Variants in PTER observed in about 807,000 individuals in gnomAD.
PTER encodes the protein N-acetyltaurine hydrolase.
Under a neutral mutation model 29.6 loss-of-function variants are expected in PTER, and 38 were observed. The ratio of observed to expected loss-of-function variants is 1.28; its 90% CI spans 0.99 to 1.68. The LOEUF (loss-of-function observed/expected upper bound fraction) is 1.68, where lower values mean the gene tolerates loss of function less well. Among genes scored for constraint, PTER ranks in the 40% most tolerant of loss-of-function variants. The probability of loss-of-function intolerance (pLI) is 0.00; values close to 1 mark genes in which losing one functional copy is unlikely to be tolerated. For missense variants in PTER, 482 were observed against 427.8 expected (o/e 1.13, Z -1.12); for synonymous variants, 172 against 154.5 (o/e 1.11, Z -0.84).
chr10:16,486,622 G>A lies in PTER; in HGVS notation c.698+5G>A, dbSNP rs1432496900. On this transcript the variant is annotated splice_donor_5th_base_variant and intron_variant, in intron 3 of 4. Transcript: ENST00000535784. ...AGTCATGTCACACCTGGATAGGTAAGTAGGCTGTCTTACAAATGGATGCAA... is the reference window on the plus strand; with the variant it reads ...AGTCATGTCACACCTGGATAGGTAAATAGGCTGTCTTACAAATGGATGCAA... 4.4e-6 allele frequency: 7 copies of A among 1,601,420 alleles called. No homozygotes were observed. In the African/African-American group the frequency reaches 9.4e-5, roughly 22 times the overall value.
In PTER at chr10:16,484,375, A is replaced by G. The variant is rs773639033; in HGVS notation, c.-10A>G. On this transcript the variant is annotated 5_prime_UTR_variant, in exon 2 of 5. Coordinates refer to ENST00000535784, the MANE Select transcript of PTER (RefSeq NM_001261836.2). ...TCTTTTTAGAACATCTCTTGGTGGT[A>G]CCATCAGAAATGTCTTCCTTAAGTG... 3 of 1,563,700 alleles carry G rather than the reference A, an allele frequency of 1.9e-6. No homozygotes were observed. The highest frequency in any genetic ancestry group is 1.2e-5 in the South Asian group (1 of 83,506).
At chr10:16,450,022 G>A (rs1373057394) in intron 1 of PTER, among the ~76,000 whole-genome samples, 2 of 152,178 alleles carry the variant, frequency 1.3e-5, no homozygotes, top group African/African-American at 4.8e-5. Context: ...AAATCAGTAA[G>A]TTCAGGCTGA....
At chr10:16,439,931 G>A (rs55935376) in intron 1 of PTER, among the ~76,000 whole-genome samples, 3,279 of 152,198 alleles carry the variant, frequency 0.022, 113 homozygotes, top group African/African-American at 0.074. Context: ...GATCAAGCTC[G>A]AGTCTGCTCA....
At chr10:16,486,794 A>T in intron 3 of PTER, 177 bp downstream of exon 3, 1 of 692,378 alleles carries the variant, frequency 1.4e-6, no homozygotes, top group Non-Finnish European at 2.3e-6. Flanking sequence ...CAATGCTGCC[A>T]TTTTTGTGTC....
chr10:16,443,370 G>A (rs759017091), intron 1 of PTER, among the ~76,000 whole-genome samples: 1 of 152,212 alleles, frequency 6.6e-6, no homozygotes, highest in Non-Finnish European at 1.5e-5. Context: ...ATCCTAAGGT[G>A]CTGAGGGTTC....
intron 3 of PTER, among the ~76,000 whole-genome samples, chr10:16,497,570 G>T (rs951009331): frequency 1.3e-5 from 2 of 152,140 alleles, no homozygotes; most frequent in African/African-American, 4.8e-5. Flanking sequence ...TGTGTGAAAT[G>T]AAATAATATA....
intron 3 of PTER, among the ~76,000 whole-genome samples, chr10:16,501,830 T>C (rs1316954696): frequency 1.3e-5 from 2 of 152,334 alleles, no homozygotes; most frequent in South Asian, 2.1e-4. Context: ...TGAGTGACTA[T>C]CTAATCAAGT....
intron 3 of PTER, among the ~76,000 whole-genome samples, chr10:16,503,529 C>T (rs1172905265): frequency 2.0e-5 from 3 of 152,116 alleles, no homozygotes; most frequent in East Asian, 1.9e-4. Context: ...CTCAGCCTCC[C>T]AAGTAGCTGG....
chr10:16,505,438 C>G (rs1836525238), intron 4 of PTER, among the ~76,000 whole-genome samples: 1 of 152,130 alleles, frequency 6.6e-6, no homozygotes, highest in African/African-American at 2.4e-5. Flanking sequence ...CAACCCCTGC[C>G]ATGAAAATCA....
chr10:16,448,543 G>A (rs4529804), intron 1 of PTER, among the ~76,000 whole-genome samples: 88,129 of 151,968 alleles, frequency 0.58, 26,960 homozygotes, highest in African/African-American at 0.78. Context: ...GCCCCACACC[G>A]CTGGACCCCT....
At chr10:16,516,035 G>C (rs1013982697), downstream of PTER, among the ~76,000 whole-genome samples, 5 of 152,096 alleles carry the variant, frequency 3.3e-5, no homozygotes, top group African/African-American at 1.2e-4. Context: ...TCACGTTAAT[G>C]CTGAAATGTT....
chr10:16,473,259 G>A (rs992592031), intron 1 of PTER, among the ~76,000 whole-genome samples: 5 of 151,842 alleles, frequency 3.3e-5, no homozygotes, highest in East Asian at 1.9e-4. Context: ...CTAACCTGAC[G>A]AAGCCCCTGA....
chr10:16,491,219 A>C (rs1404782490), intron 3 of PTER, among the ~76,000 whole-genome samples: 1 of 152,214 alleles, frequency 6.6e-6, no homozygotes, highest in East Asian at 1.9e-4. Context: ...CCAGTGCATG[A>C]AAAAGACATA....
chr10:16,480,044 G>A (rs1388310066), intron 1 of PTER, among the ~76,000 whole-genome samples: 4 of 134,554 alleles, frequency 3.0e-5, no homozygotes, highest in African/African-American at 8.0e-5. Context: ...GGCAAAGACC[G>A]TGATTACATT....
chr10:16,473,542 A>AC (rs1303524645), intron 1 of PTER, among the ~76,000 whole-genome samples: 1 of 150,670 alleles, frequency 6.6e-6, no homozygotes, highest in African/African-American at 2.4e-5. Context: ...AAAAAAAAAA[A>AC]AAAAACAGTT....
At chr10:16,456,884 G>C (rs1441056504) in intron 1 of PTER, among the ~76,000 whole-genome samples, 1 of 149,694 alleles carries the variant, frequency 6.7e-6, no homozygotes, top group Non-Finnish European at 1.5e-5. Context: ...CCGCCATGCT[G>C]TTCTCGTGGT....
Position 16,454,716 on chromosome 10 carries a change from C to T in PTER, c.-49+17669C>T, listed in dbSNP as rs192344602. Among the ~76,000 whole-genome samples, 45 of 151,932 alleles carry T rather than the reference C, an allele frequency of 3.0e-4. 1 individual carries two copies. Among genetic ancestry groups the T allele is most frequent in the African/African-American group, 1.1e-3 (44 of 41,420 alleles). The stretch of plus-strand genomic sequence containing the variant: ...TATAATATAATTTCCATTTTTATGG[C>T]AAGTAAGTATATGTACATTTAAACA... On this transcript the variant is annotated intron_variant, in intron 1 of 4. Transcript: ENST00000535784.
chr10:16,453,219 T>C (rs548435245), intron 1 of PTER, among the ~76,000 whole-genome samples: 1 of 152,194 alleles, frequency 6.6e-6, no homozygotes, highest in African/African-American at 2.4e-5. Context: ...CCTGGCCAGG[T>C]TATTGATTTT....
intron 3 of PTER, chr10:16,486,861 C>A (rs933092203): frequency 2.2e-5 from 10 of 445,938 alleles, no homozygotes; most frequent in Non-Finnish European, 4.0e-5. Context: ...TCGCATAAGT[C>A]ATTTCCTTTA....
Sources: gnomAD v4.1 joint callset for allele counts (sites outside exome capture counted in the v4.1 genomes callset) on GRCh38, gnomAD v4.1.1 for gene constraint, MANE v1.5 for transcripts, NCBI Gene and HGNC (gene_info 2026-07-23, HGNC 2026-07-21) for gene names.